Variants in BTNL8 observed in about 807,000 individuals in gnomAD.
BTNL8 encodes butyrophilin-like protein 8.
Under a neutral mutation model 36.1 loss-of-function variants are expected in BTNL8, and 22 were observed. The ratio of observed to expected loss-of-function variants is 0.61; its 90% CI spans 0.44 to 0.87. The LOEUF is 0.87. BTNL8 is among the 40% of genes least tolerant of loss of function. The pLI, the probability that BTNL8 is intolerant of heterozygous loss-of-function variation, is 0.00. For missense variants in BTNL8, 526 were observed against 616.9 expected, an observed-to-expected ratio of 0.85 and a Z score of 1.56; for synonymous variants, 203 against 235.6, an observed-to-expected ratio of 0.86 and a Z score of 1.27.
intron 3 of BTNL8, among the ~76,000 whole-genome samples, chr5:180,912,387 T>A (rs1290674841): frequency 6.6e-6 from 1 of 151,638 alleles, no homozygotes; most frequent in Non-Finnish European, 1.5e-5. Context: ...TCTCTCTTTA[T>A]CTCCATCTTT....
chr5:180,939,954 A>G (rs1758846292), intron 3 of BTNL8, among the ~76,000 whole-genome samples: 1 of 152,246 alleles, frequency 6.6e-6, no homozygotes, highest in Non-Finnish European at 1.5e-5. Flanking sequence ...AATTGTACAA[A>G]TACATGGAAA....
At chr5:180,940,798 G>C (rs774202018) in intron 3 of BTNL8, among the ~76,000 whole-genome samples, 2 of 152,152 alleles carry the variant, frequency 1.3e-5, no homozygotes, top group Non-Finnish European at 2.9e-5. Context: ...GGGCACAATT[G>C]TTCATGCCTG....
At chr5:180,927,473 G>A (rs572728483) in intron 3 of BTNL8, among the ~76,000 whole-genome samples, 273 of 152,302 alleles carry the variant, frequency 1.8e-3, no homozygotes, top group African/African-American at 6.3e-3. Flanking sequence ...ACCGGATGGA[G>A]AATGAGTTTG....
At chr5:180,947,670 C>G in intron 4 of BTNL8, 45 bp downstream of exon 4, 1 of 1,614,158 alleles carries the variant, frequency 6.2e-7, no homozygotes, top group Non-Finnish European at 8.5e-7. Context: ...ATTCATGGTT[C>G]CAGCAGGGAC....
rs1402115412 is a variant in BTNL8 at position 180,948,386 on chromosome 5, G to A, written c.808+11G>A. The stretch of plus-strand genomic sequence containing the variant: ...TCCAGGCGGAACTGGGTAAGTATGT[G>A]TCATGTCCTGAGCCTCCCACACATG... On this transcript the variant is annotated intron_variant, in intron 5 of 7. Coordinates refer to ENST00000340184, the MANE Select transcript of BTNL8 (RefSeq NM_001040462.3). The A allele has an allele frequency of 6.7e-7, 1 of 1,488,762 alleles. No homozygotes were observed. The highest frequency in any genetic ancestry group is 9.3e-7 in the Non-Finnish European group (1 of 1,076,356). 92.2% of individuals were successfully genotyped at this position (1,488,762 alleles called of 1,614,324 possible).
intron 3 of BTNL8, among the ~76,000 whole-genome samples, chr5:180,916,949 T>C (rs1757654417): frequency 6.6e-6 from 1 of 152,160 alleles, no homozygotes; most frequent in South Asian, 2.1e-4. Flanking sequence ...AAAGACAAGG[T>C]TAGACTACGG....
intron 3 of BTNL8, among the ~76,000 whole-genome samples, chr5:180,936,799 G>A (rs1758670728): frequency 6.6e-6 from 1 of 152,178 alleles, no homozygotes; most frequent in Admixed American, 6.5e-5. Context: ...TGTGACTCCA[G>A]TGATCTAAGG....
intron 3 of BTNL8, among the ~76,000 whole-genome samples, chr5:180,932,992 T>C (rs907457104): frequency 8.5e-6 from 1 of 117,730 alleles, no homozygotes; most frequent in East Asian, 2.2e-4. Flanking sequence ...GGATATTCCA[T>C]GCAAATAAAA....
At chr5:180,940,250 A>T (rs1427463521) in intron 3 of BTNL8, among the ~76,000 whole-genome samples, 1 of 151,956 alleles carries the variant, frequency 6.6e-6, no homozygotes, top group East Asian at 1.9e-4. Flanking sequence ...GAGGCAGGAG[A>T]ATCTCTTGAA....
At chr5:180,945,238 G>A (rs1056529948) in intron 3 of BTNL8, among the ~76,000 whole-genome samples, 6 of 152,146 alleles carry the variant, frequency 3.9e-5, no homozygotes, top group Admixed American at 2.0e-4. Flanking sequence ...TTCAATAAAT[G>A]ATATTGAAAC....
At chr5:180,929,315 T>C (rs533886343) in intron 3 of BTNL8, among the ~76,000 whole-genome samples, 38 of 152,138 alleles carry the variant, frequency 2.5e-4, no homozygotes, top group Non-Finnish European at 5.3e-4. Flanking sequence ...GCTAAAGCAC[T>C]GTTTAGAGAG....
At position 180,900,021 on chromosome 5, in the gene BTNL8, A is replaced by G. The variant is rs139690803; in HGVS notation, c.49+662A>G. Among the ~76,000 whole-genome samples, 49 of 152,328 alleles carry G rather than the reference A, an allele frequency of 3.2e-4. 2 individuals carry two copies. The East Asian group carries it at 9.5e-3, about 29-fold the overall frequency. On this transcript the variant is annotated intron_variant, in intron 1 of 7. Transcript: ENST00000340184. ...GACTGTGTTCACTTTCTGTCTGTGAAGGTTCATCCTGCCACCTGTCCACCT... is the reference window on the plus strand; with the variant it reads ...GACTGTGTTCACTTTCTGTCTGTGAGGGTTCATCCTGCCACCTGTCCACCT...
intron 3 of BTNL8, among the ~76,000 whole-genome samples, chr5:180,920,500 A>C (rs886777706): frequency 5.3e-5 from 8 of 152,130 alleles, no homozygotes; most frequent in African/African-American, 1.9e-4. Context: ...CTTAGAAGAA[A>C]GCATACAGAA....
Position 180,899,321 on chromosome 5 carries a change from T to A in BTNL8, c.11T>A (p.Met4Lys). The change falls in exon 1 of 8, where the codon ATG becomes AAG. Residue 4 changes from methionine to lysine, a missense_variant. Physicochemically the swap from Met to Lys is moderately conservative, Grantham distance 95 (BLOSUM62 -1). Transcript: ENST00000340184. The stretch of plus-strand genomic sequence containing the variant: ...TCACAGAACACATCCATGGCTCTCA[T>A]GCTCAGTTTGGTTCTGAGTCTCCTC... MAL[M>K]LSLVLSLLKL... 1 of 1,614,226 alleles carries A rather than the reference T, an allele frequency of 6.2e-7. No homozygotes were observed. The highest frequency in any genetic ancestry group is 2.2e-5 in the East Asian group (1 of 44,892).
intron 3 of BTNL8, among the ~76,000 whole-genome samples, chr5:180,944,415 G>A (rs1314389122): frequency 6.6e-6 from 1 of 152,100 alleles, no homozygotes; most frequent in African/African-American, 2.4e-5. Flanking sequence ...ACATCACATT[G>A]TACCACATAA....
intron 2 of BTNL8, among the ~76,000 whole-genome samples, chr5:180,911,117 C>A (rs146413273): frequency 1.3e-5 from 2 of 152,296 alleles, no homozygotes; most frequent in East Asian, 1.9e-4. Flanking sequence ...TGTCTTACTT[C>A]ATCATGACTG....
At chr5:180,909,690 G>A (rs1561929416) in intron 2 of BTNL8, 2 of 581,502 alleles carry the variant, frequency 3.4e-6, no homozygotes, top group Non-Finnish European at 4.3e-6. Context: ...GACCAGCCTG[G>A]GCATATGGTA....
intron 3 of BTNL8, among the ~76,000 whole-genome samples, chr5:180,920,148 A>G (rs968642375): frequency 1.3e-5 from 2 of 152,140 alleles, no homozygotes; most frequent in African/African-American, 4.8e-5. Context: ...TGCAAAAGTA[A>G]TTGTGGTTTT....
At chr5:180,949,423 G>A in intron 7 of BTNL8, 158 bp downstream of exon 7, 2 of 1,115,678 alleles carry the variant, frequency 1.8e-6, no homozygotes, top group South Asian at 1.4e-5. Context: ...AGGGTTCAGT[G>A]CCCCCAGACA....
Sources: gnomAD v4.1 joint callset for allele counts (sites outside exome capture counted in the v4.1 genomes callset) on GRCh38, gnomAD v4.1.1 for gene constraint, MANE v1.5 for transcripts, NCBI Gene and HGNC (gene_info 2026-07-23, HGNC 2026-07-21) for gene names.